Variants in RILPL1 observed in about 807,000 individuals in gnomAD.
RILPL1 encodes RILP-like protein 1.
RILPL1 carries 33 observed loss-of-function variants against 50.3 expected under a neutral mutation model. That is an observed-to-expected ratio of 0.66 (90% CI 0.50 to 0.88). The LOEUF is 0.88. Among genes scored for constraint, RILPL1 ranks in the 40% least tolerant of loss-of-function variants. The pLI, the probability that RILPL1 is intolerant of heterozygous loss-of-function variation, is 0.00. For missense variants in RILPL1, 418 were observed against 542.5 expected, an observed-to-expected ratio of 0.77 and a Z score of 2.28; for synonymous variants, 205 against 228.6, an observed-to-expected ratio of 0.90 and a Z score of 0.93.
intron 4 of RILPL1, among the ~76,000 whole-genome samples, chr12:123,490,899 C>T (rs768806216): frequency 5.3e-5 from 8 of 152,034 alleles, no homozygotes; most frequent in Non-Finnish European, 7.3e-5. Flanking sequence ...TACAGGCATG[C>T]GCCACCATGC....
chr12:123,496,287 T>C (rs894213757), intron 4 of RILPL1, among the ~76,000 whole-genome samples: 4 of 152,296 alleles, frequency 2.6e-5, no homozygotes, highest in African/African-American at 7.2e-5. Context: ...GTGCTGGGAT[T>C]ACAGGTGTGA....
intron 1 of RILPL1, among the ~76,000 whole-genome samples, chr12:123,524,072 G>A (rs920152925): frequency 1.3e-5 from 2 of 152,220 alleles, no homozygotes; most frequent in African/African-American, 2.4e-5. Flanking sequence ...TGGGGATGCC[G>A]AGGCAGACGG....
chr12:123,477,337 C>CTTTTTT (rs371346379), intron 6 of RILPL1, among the ~76,000 whole-genome samples: 16 of 105,338 alleles, frequency 1.5e-4, no homozygotes, highest in Non-Finnish European at 1.8e-4. Flanking sequence ...TTCTTTCTTT[C>CTTTTTT]TTTTTTTTTT....
intron 2 of RILPL1, among the ~76,000 whole-genome samples, chr12:123,514,912 C>T (rs1357088404): frequency 6.6e-6 from 1 of 151,332 alleles, no homozygotes; most frequent in Non-Finnish European, 1.5e-5. Flanking sequence ...ATAGACAATC[C>T]AAACAATAAA....
At chr12:123,530,861 C>T (rs1885418811) in intron 1 of RILPL1, among the ~76,000 whole-genome samples, 1 of 152,120 alleles carries the variant, frequency 6.6e-6, no homozygotes, top group Non-Finnish European at 1.5e-5. Context: ...TGAGACAGAA[C>T]ATGACACAAC....
chr12:123,511,236 G>T (rs1490403738), intron 2 of RILPL1, among the ~76,000 whole-genome samples: 3 of 140,202 alleles, frequency 2.1e-5, no homozygotes, highest in African/African-American at 9.0e-5. Flanking sequence ...TCTGAGGTCT[G>T]TGTGTGGTGT....
chr12:123,499,285 G>A (rs898027128), intron 3 of RILPL1, 133 bp downstream of exon 3: 1 of 644,054 alleles, frequency 1.6e-6, no homozygotes, highest in Non-Finnish European at 2.8e-6. Flanking sequence ...CAAGCCATGA[G>A]CAGGATCCAC....
chr12:123,518,281 A>C (rs1884823222), intron 2 of RILPL1: 1 of 382,518 alleles, frequency 2.6e-6, no homozygotes, highest in Non-Finnish European at 5.2e-6. Flanking sequence ...AGGCAGGAGG[A>C]TTGCTTGAGG....
At position 123,510,170 on chromosome 12, in the gene RILPL1, G is replaced by A. The variant is rs141366411; in HGVS notation, c.461-10634C>T. On this transcript the variant is annotated intron_variant, in intron 2 of 6. Transcript: ENST00000376874. ...CAGTTGTGAAGTGGACCCTCTCCCC[G>A]TCAGCTCTGCTCTCCTGCCTCCGGC... is the stretch of plus-strand genomic sequence containing the variant. 6.0e-3 allele frequency among the ~76,000 whole-genome samples: 909 copies of A among 152,324 alleles called. 4 individuals carry two copies. The highest frequency in any genetic ancestry group is 9.9e-3 in the Non-Finnish European group (675 of 68,018).
At chr12:123,532,319 G>C (rs1885462913) in intron 1 of RILPL1, among the ~76,000 whole-genome samples, 1 of 152,200 alleles carries the variant, frequency 6.6e-6, no homozygotes, top group Admixed American at 6.5e-5. Flanking sequence ...AACCTCGTCT[G>C]AACTCCAGGC....
chr12:123,518,441 A>G, intron 2 of RILPL1: 1 of 308,408 alleles, frequency 3.2e-6, no homozygotes, highest in South Asian at 2.4e-5. Context: ...TGGGAGGTTG[A>G]GGCTATGGTG....
chr12:123,475,765 A>G, intron 6 of RILPL1: 3 of 1,486,492 alleles, frequency 2.0e-6, no homozygotes, highest in Non-Finnish European at 2.8e-6. Flanking sequence ...TTAGAGAAGT[A>G]CAGATAGACA....
chr12:123,495,882 C>T (rs1181312982), intron 4 of RILPL1, among the ~76,000 whole-genome samples: 1 of 151,702 alleles, frequency 6.6e-6, no homozygotes, highest in African/African-American at 2.4e-5. Flanking sequence ...GGTTTCGCCA[C>T]GTTAGCCAGG....
Position 123,475,953 on chromosome 12 carries a change from G to C in RILPL1, c.1068-3271C>G, listed in dbSNP as rs1055379396. 3 of 495,520 alleles carry C rather than the reference G, an allele frequency of 6.1e-6. No individual in the cohort carries two copies. The African/African-American group carries it at 6.1e-5, about 10-fold the overall frequency. 30.7% of individuals were successfully genotyped at this position (495,520 alleles called of 1,614,324 possible). A position where few individuals can be genotyped will look rare whatever the true frequency, so the allele number is the denominator to read the frequency against. On this transcript the variant is annotated intron_variant, in intron 6 of 6. Coordinates refer to ENST00000376874, the MANE Select transcript of RILPL1 (RefSeq NM_178314.5). ...GAGTCTCACTGTCTCGTCCAGGCTG[G>C]AGTGCGGTGGCGCAATCTCAGCTTA...
In RILPL1 at chr12:123,484,288, A is replaced by G; in HGVS notation, c.975-16T>C. ...CATTTCTTCACTGGAAGGAGATGAG[A>G]GGCGTGAGATAAAAGAGTCAAAAGT... is the stretch of plus-strand genomic sequence containing the variant. On this transcript the variant is annotated splice_polypyrimidine_tract_variant and intron_variant, in intron 5 of 6. Coordinates refer to ENST00000376874, the MANE Select transcript of RILPL1 (RefSeq NM_178314.5). 1 of 1,541,766 alleles carries G rather than the reference A, an allele frequency of 6.5e-7. No homozygotes were observed. Among genetic ancestry groups the G allele is most frequent in the Non-Finnish European group, 9.0e-7 (1 of 1,114,304 alleles).
At chr12:123,499,295 C>T (rs1208666607) in intron 3 of RILPL1, 123 bp downstream of exon 3, 12 of 679,646 alleles carry the variant, frequency 1.8e-5, no homozygotes, top group Middle Eastern at 5.5e-4. Context: ...GCAGGATCCA[C>T]ACCCCACGGA....
intron 2 of RILPL1, among the ~76,000 whole-genome samples, chr12:123,501,863 G>T (rs1883415319): frequency 6.6e-6 from 1 of 151,840 alleles, no homozygotes; most frequent in African/African-American, 2.4e-5. Context: ...GATCACCTAG[G>T]TCGGGAGCTC....
chr12:123,521,771 G>GTA lies in RILPL1; in HGVS notation c.460+1722_460+1723dup, dbSNP rs1351458783. The stretch of plus-strand genomic sequence containing the variant: ...AATATATATATACACACATATATGT[G>GTA]TATATATACTTTTTTTTTTGAGACA... On this transcript the variant is annotated intron_variant, in intron 2 of 6. Coordinates refer to ENST00000376874, the MANE Select transcript of RILPL1 (RefSeq NM_178314.5). Among the ~76,000 whole-genome samples the GTA allele has an allele frequency of 2.5e-4, 35 of 139,090 alleles. 2 individuals carry two copies. Among genetic ancestry groups the GTA allele is most frequent in the East Asian group, 1.4e-3 (7 of 4,946 alleles). The allele number at this position is 139,090 out of a possible 152,430, so 91.2% of individuals were successfully genotyped here.
chr12:123,507,263 A>G (rs1180662768), intron 2 of RILPL1, among the ~76,000 whole-genome samples: 2 of 152,188 alleles, frequency 1.3e-5, no homozygotes, highest in Non-Finnish European at 2.9e-5. Flanking sequence ...CACACTGTGC[A>G]GCTATTTGAA....
Sources: gnomAD v4.1 joint callset for allele counts (sites outside exome capture counted in the v4.1 genomes callset) on GRCh38, gnomAD v4.1.1 for gene constraint, MANE v1.5 for transcripts, NCBI Gene and HGNC (gene_info 2026-07-23, HGNC 2026-07-21) for gene names.